Variants in RELN observed in about 807,000 individuals in gnomAD.
RELN encodes reelin.
Under a neutral mutation model 427.6 loss-of-function variants are expected in RELN, and 108 were observed. The ratio of observed to expected loss-of-function variants is 0.25; its 90% CI spans 0.22 to 0.30. RELN has a LOEUF of 0.30. Ranked by LOEUF, RELN falls within the 10% of genes least tolerant of loss-of-function variation. The probability of loss-of-function intolerance (pLI) is 1.00; values close to 1 mark genes in which losing one functional copy is unlikely to be tolerated. For synonymous variants in RELN, 1,524 were observed against 1,513.4 expected (o/e 1.01, Z -0.16); for missense variants, 3,715 against 4,302.8 (o/e 0.86, Z 3.82).
At chr7:103,833,720 C>T (rs753473230) in intron 2 of RELN, 48 bp from the exon 3 acceptor site, 3 of 1,559,936 alleles carry the variant, frequency 1.9e-6, no homozygotes, top group African/African-American at 1.4e-5. Flanking sequence ...AAACAAAGAT[C>T]TTCCTATCAT....
chr7:103,964,684 T>A (rs544860121), intron 1 of RELN, among the ~76,000 whole-genome samples: 14 of 152,258 alleles, frequency 9.2e-5, no homozygotes, highest in African/African-American at 3.4e-4. Flanking sequence ...GTTACTGACA[T>A]GAAGCACTTA....
chr7:103,796,255 A>G (rs1792295036), intron 3 of RELN, among the ~76,000 whole-genome samples: 1 of 152,214 alleles, frequency 6.6e-6, no homozygotes, highest in African/African-American at 2.4e-5. Flanking sequence ...GTATTTGGAA[A>G]CGCAAATGAG....
At position 103,565,201 on chromosome 7, in the gene RELN, AG is replaced by A. The variant is rs1830721701; in HGVS notation, c.5210+76del. On this transcript the variant is annotated intron_variant, in intron 34 of 64. Transcript: ENST00000428762. The stretch of plus-strand genomic sequence containing the variant: ...ATCATGAAAGAATAATAGAATCCCC[AG>A]GCCGAATCACAATTATTTTCAAATT... The A allele has an allele frequency of 4.0e-6, 6 of 1,502,446 alleles. No homozygotes were observed. In the South Asian group the frequency reaches 6.8e-5, roughly 17 times the overall value. 93.1% of individuals were successfully genotyped at this position (1,502,446 alleles called of 1,614,324 possible).
intron 1 of RELN, among the ~76,000 whole-genome samples, chr7:103,975,229 A>G (rs868643317): frequency 1.3e-5 from 2 of 152,212 alleles, no homozygotes; most frequent in Non-Finnish European, 2.9e-5. Context: ...AATTTTAACT[A>G]TATCTCATAT....
At chr7:103,520,484 C>T (rs1274952017) in intron 48 of RELN, among the ~76,000 whole-genome samples, 1 of 152,032 alleles carries the variant, frequency 6.6e-6, no homozygotes, top group East Asian at 1.9e-4. Flanking sequence ...CCATGTTGGC[C>T]AGGCTGGTCT....
chr7:103,681,517 G>T (rs1300804749), intron 11 of RELN, among the ~76,000 whole-genome samples: 2 of 151,762 alleles, frequency 1.3e-5, no homozygotes, highest in Non-Finnish European at 2.9e-5. Context: ...ACTTCTGAAA[G>T]TGCTGCCCAA....
intron 4 of RELN, among the ~76,000 whole-genome samples, chr7:103,766,998 C>T (rs1791439901): frequency 1.3e-5 from 2 of 152,214 alleles, no homozygotes; most frequent in Non-Finnish European, 1.5e-5. Context: ...TGACTGCTGT[C>T]AGGCCACTAA....
In RELN at chr7:103,515,437, C is replaced by T. The variant is rs2117076560; in HGVS notation, c.7867G>A (p.Val2623Met). 4 of 1,614,000 alleles carry T rather than the reference C, an allele frequency of 2.5e-6. No homozygotes were observed. The highest frequency in any genetic ancestry group is 1.3e-5 in the African/African-American group (1 of 75,014). The change falls in exon 50 of 65, where the codon GTG (valine) becomes ATG (methionine). Residue 2623 changes from valine (V) to methionine (M), a missense_variant. Physicochemically the swap from Val to Met is conservative, Grantham distance 21. Transcript: ENST00000428762. ...GCATCAGGAGGGAGAAGGATATTCACAAATCTATAGGAAAATGATGGGGAA... is the reference window on the plus strand; with the variant it reads ...GCATCAGGAGGGAGAAGGATATTCATAAATCTATAGGAAAATGATGGGGAA... ...FYDQYSKPGF[V>M]NILLPPDAKE...
rs763373681 is a variant in RELN, at chr7:103,636,261, T to C, written c.2277A>G (p.Thr759=). The change falls in exon 18 of 65, where the codon ACA becomes ACG. Residue 759 remains threonine (T), a synonymous_variant. Transcript: ENST00000428762. The part of the protein sequence containing the change: ...FNKDGRRQLI[T]SFLDSSQSRF... ...TGGATTGTGAGCTGTCAAGGAAAGA[T>C]GTAATTAGCTGACGCCGCCCATCTT... 10 of 1,613,728 alleles carry C rather than the reference T, an allele frequency of 6.2e-6. No individual in the cohort carries two copies. The highest frequency in any genetic ancestry group is 7.6e-6 in the Non-Finnish European group (9 of 1,179,762).
rs1186872720 is a variant in RELN at position 103,472,001 on chromosome 7, A to T, written c.*811T>A. 1.3e-5 allele frequency: 2 copies of T among 152,598 alleles called. No homozygotes were observed. The highest frequency in any genetic ancestry group is 2.9e-5 in the Non-Finnish European group (2 of 68,012). The allele number at this position is 152,598 out of a possible 1,614,324, so 9.5% of individuals were successfully genotyped here. A position where few individuals can be genotyped will look rare whatever the true frequency, so the allele number is the denominator to read the frequency against. On this transcript the variant is annotated 3_prime_UTR_variant, in exon 65 of 65. Coordinates refer to ENST00000428762, the MANE Select transcript of RELN (RefSeq NM_005045.4). ...ATGAAAAAACAACCACTGTTTTACA[A>T]ATCACTCTGTTATCACAGACAAAAA...
intron 28 of RELN, among the ~76,000 whole-genome samples, chr7:103,578,059 T>C (rs1429227327): frequency 2.0e-5 from 3 of 152,182 alleles, no homozygotes; most frequent in African/African-American, 7.2e-5. Context: ...TAAGTTTAGG[T>C]AGAATTTTAG....
At chr7:103,808,176 C>A (rs1432980108) in intron 3 of RELN, among the ~76,000 whole-genome samples, 1 of 149,342 alleles carries the variant, frequency 6.7e-6, no homozygotes, top group African/African-American at 2.5e-5. Context: ...CAAGTCAGAG[C>A]AACCAACAAT....
chr7:103,788,774 A>C (rs1196635889), intron 3 of RELN, among the ~76,000 whole-genome samples: 3 of 152,250 alleles, frequency 2.0e-5, no homozygotes, highest in Non-Finnish European at 2.9e-5. Flanking sequence ...TAATTTATAG[A>C]TTCAATGCTA....
chr7:103,887,247 C>T (rs1409384284), intron 2 of RELN, among the ~76,000 whole-genome samples: 1 of 152,162 alleles, frequency 6.6e-6, no homozygotes, highest in Admixed American at 6.5e-5. Context: ...TGATTTACAC[C>T]AATCTTGGTG....
intron 52 of RELN, among the ~76,000 whole-genome samples, chr7:103,502,131 T>TATAG (rs1376768338): frequency 1.3e-5 from 2 of 152,226 alleles, no homozygotes; most frequent in African/African-American, 4.8e-5. Flanking sequence ...ATTCGTTCAT[T>TATAG]ATAGATATAA....
chr7:103,539,779 G>A (rs1025920126), intron 44 of RELN, among the ~76,000 whole-genome samples: 12 of 152,148 alleles, frequency 7.9e-5, no homozygotes, highest in Admixed American at 6.5e-4. Context: ...AGATCCTTTG[G>A]AGCAGTCTAT....
intron 7 of RELN, among the ~76,000 whole-genome samples, chr7:103,724,921 G>C (rs995201655): frequency 1.3e-5 from 2 of 151,634 alleles, no homozygotes; most frequent in African/African-American, 4.8e-5. Flanking sequence ...TTATAATTGG[G>C]TAATATAAAT....
Position 103,661,325 on chromosome 7 carries a change from C to T in RELN, c.1441+51G>A, listed in dbSNP as rs369307056. 3.2e-6 allele frequency: 5 copies of T among 1,578,458 alleles called. No homozygotes were observed. The African/African-American group carries it at 6.7e-5, about 21-fold the overall frequency. ...AATCTTACTTCCTCAGGAATAGGTG[C>T]TGGCCTAGGATTTGCCCCACGGTGA... is the stretch of plus-strand genomic sequence containing the variant. On this transcript the variant is annotated intron_variant, in intron 12 of 64. Coordinates refer to ENST00000428762, the MANE Select transcript of RELN (RefSeq NM_005045.4).
rs1357927751 is a variant in RELN, at chr7:103,833,660, T to A, written c.350A>T (p.Asp117Val). ...SSAFGFGIMS[D>V]HQFGNQFMCS... ...CATAAACTGGTTACCAAACTGGTGGTCAGACATGATCCCTAAGAGAAAGGA... is the reference window on the plus strand; with the variant it reads ...CATAAACTGGTTACCAAACTGGTGGACAGACATGATCCCTAAGAGAAAGGA... Residue 117 changes from aspartate (D) to valine (V), a missense_variant, in exon 3 of 65, where the codon GAC becomes GTC. Around this residue, in one of 4 missense-constraint regions of RELN, gnomAD observed 2,208 missense variants for 2,361.7 expected, o/e 0.93. Coordinates refer to ENST00000428762, the MANE Select transcript of RELN (RefSeq NM_005045.4). The A allele has an allele frequency of 1.2e-6, 2 of 1,613,554 alleles. No homozygotes were observed. The highest frequency in any genetic ancestry group is 1.7e-6 in the Non-Finnish European group (2 of 1,179,748).
Sources: gnomAD v4.1 joint callset for allele counts (sites outside exome capture counted in the v4.1 genomes callset) on GRCh38, gnomAD v4.1.1 for gene constraint, gnomAD v4.1.1 regional missense constraint, MANE v1.5 for transcripts, NCBI Gene and HGNC (gene_info 2026-07-23, HGNC 2026-07-21) for gene names.